Variants in ANKRD29 observed in about 807,000 individuals in gnomAD.
The protein encoded by ANKRD29 is ankyrin repeat domain-containing protein 29.
ANKRD29 carries 32 observed loss-of-function variants against 38.0 expected under a neutral mutation model. The observed-to-expected ratio is 0.84, with a 90% CI of 0.64 to 1.13. The LOEUF (loss-of-function observed/expected upper bound fraction) is 1.13, where lower values mean the gene tolerates loss of function less well. ANKRD29 is among the 50% of genes most tolerant of loss of function. The pLI, the probability that ANKRD29 is intolerant of heterozygous loss-of-function variation, is 0.00. For missense variants in ANKRD29, 357 were observed against 377.9 expected, an observed-to-expected ratio of 0.94 and a Z score of 0.46; for synonymous variants, 135 against 152.4, an observed-to-expected ratio of 0.89 and a Z score of 0.84.
chr18:23,643,085 C>A (rs1284443590), intron 3 of ANKRD29, among the ~76,000 whole-genome samples: 2 of 152,172 alleles, frequency 1.3e-5, no homozygotes, highest in South Asian at 2.1e-4. Flanking sequence ...CTTTTGACTT[C>A]TATCCTGGGA....
intron 1 of ANKRD29, chr18:23,649,447 A>C: frequency 4.4e-6 from 3 of 677,148 alleles, no homozygotes; most frequent in Non-Finnish European, 8.1e-6. Context: ...TTTCCCACTA[A>C]TGTTCTCACT....
chr18:23,654,712 G>A (rs2060256940), intron 1 of ANKRD29, among the ~76,000 whole-genome samples: 1 of 151,056 alleles, frequency 6.6e-6, no homozygotes, highest in Non-Finnish European at 1.5e-5. Flanking sequence ...TTGAGTGCAA[G>A]CTTCCACATT....
Position 23,646,235 on chromosome 18 carries a change from A to C in ANKRD29, c.185T>G (p.Val62Gly). ...VAAYAGHIDC[V>G]RELVLQGADI... is the part of the protein sequence containing the mutation. ...TGCTCCTTGCAGAACCAGTTCCCTC[A>C]CACAGTCTATGTGGCCAGCGTAGGC... The change falls in exon 3 of 10, where the codon GTG becomes GGG. Residue 62 changes from valine (V) to glycine (G), a missense_variant. By Grantham distance (109) the Val-to-Gly change is moderately radical. Coordinates refer to ENST00000592179, the MANE Select transcript of ANKRD29 (RefSeq NM_173505.4). 2 of 1,614,096 alleles carry C rather than the reference A, an allele frequency of 1.2e-6. No individual in the cohort carries two copies. The highest frequency in any genetic ancestry group is 1.7e-6 in the Non-Finnish European group (2 of 1,179,986).
At chr18:23,634,187 G>T (rs374961871) in intron 4 of ANKRD29, 38 bp from the exon 5 acceptor site, 2 of 1,543,260 alleles carry the variant, frequency 1.3e-6, no homozygotes, top group Non-Finnish European at 8.9e-7. Flanking sequence ...TAGAGGTGGC[G>T]CAGGCACATA....
At chr18:23,643,940 G>C (rs1222674333) in intron 3 of ANKRD29, among the ~76,000 whole-genome samples, 1 of 152,230 alleles carries the variant, frequency 6.6e-6, no homozygotes. Flanking sequence ...GGCACTCTTA[G>C]CTTCCAAAAC....
intron 5 of ANKRD29, among the ~76,000 whole-genome samples, chr18:23,632,796 C>T (rs1041154184): frequency 2.0e-5 from 3 of 152,010 alleles, no homozygotes; most frequent in Non-Finnish European, 4.4e-5. Flanking sequence ...TTCAATCATT[C>T]TACTGGTAAT....
At chr18:23,634,868 A>T (rs1362559873) in intron 4 of ANKRD29, among the ~76,000 whole-genome samples, 1 of 152,192 alleles carries the variant, frequency 6.6e-6, no homozygotes, top group Non-Finnish European at 1.5e-5. Flanking sequence ...TCCTGGGGAA[A>T]CGCCGTCTTC....
intron 1 of ANKRD29, among the ~76,000 whole-genome samples, chr18:23,651,509 C>T (rs1341267568): frequency 1.3e-5 from 2 of 152,176 alleles, no homozygotes; most frequent in Non-Finnish European, 2.9e-5. Context: ...AAAATGAAGT[C>T]TGGTAGGGTG....
At chr18:23,654,512 C>T (rs1167784485) in intron 1 of ANKRD29, among the ~76,000 whole-genome samples, 1 of 144,846 alleles carries the variant, frequency 6.9e-6, no homozygotes, top group East Asian at 2.1e-4. Context: ...CCCAGCTACT[C>T]GGGAGGCTGC....
chr18:23,627,215 G>A (rs988447649), intron 6 of ANKRD29, among the ~76,000 whole-genome samples: 1 of 152,106 alleles, frequency 6.6e-6, no homozygotes, highest in African/African-American at 2.4e-5. Flanking sequence ...ATGATTTGAG[G>A]GCACAATGGG....
At chr18:23,608,916 G>A (rs765143221) in intron 9 of ANKRD29, among the ~76,000 whole-genome samples, 10 of 152,246 alleles carry the variant, frequency 6.6e-5, no homozygotes, top group Non-Finnish European at 1.3e-4. Context: ...CAAAGTGAAA[G>A]TTGGTGAAAC....
chr18:23,662,436 C>T (rs887440664), intron 1 of ANKRD29, among the ~76,000 whole-genome samples: 1 of 152,218 alleles, frequency 6.6e-6, no homozygotes, highest in Admixed American at 6.5e-5. Context: ...ACAGTCCCCG[C>T]CGCCCCGTCG....
chr18:23,650,448 G>A (rs1446367092), intron 1 of ANKRD29, among the ~76,000 whole-genome samples: 3 of 152,168 alleles, frequency 2.0e-5, no homozygotes, highest in African/African-American at 2.4e-5. Context: ...TGGGCCTACT[G>A]GGTTATTTTA....
intron 9 of ANKRD29, among the ~76,000 whole-genome samples, chr18:23,607,381 C>T (rs2059587101): frequency 6.6e-6 from 1 of 152,148 alleles, no homozygotes; most frequent in South Asian, 2.1e-4. Flanking sequence ...TCAGAGCAAA[C>T]ACTCAGGAAT....
intron 6 of ANKRD29, among the ~76,000 whole-genome samples, chr18:23,624,391 C>G (rs1030699209): frequency 7.2e-6 from 1 of 138,512 alleles, no homozygotes; most frequent in African/African-American, 2.7e-5. Context: ...CACTTGAGCC[C>G]GGGAGGCAGA....
At chr18:23,631,724 G>A (rs2059934793) in intron 5 of ANKRD29, among the ~76,000 whole-genome samples, 1 of 152,186 alleles carries the variant, frequency 6.6e-6, no homozygotes, top group Non-Finnish European at 1.5e-5. Flanking sequence ...CCCAGAGCAA[G>A]TGCCCCTTTT....
chr18:23,647,918 T>C (rs2060160719), intron 2 of ANKRD29: 1 of 152,254 alleles, frequency 6.6e-6, no homozygotes, highest in Non-Finnish European at 1.5e-5. Flanking sequence ...AAAGAGACTA[T>C]TAAGCTGAGG....
intron 6 of ANKRD29, among the ~76,000 whole-genome samples, chr18:23,629,195 G>A (rs1372028145): frequency 6.6e-6 from 1 of 152,212 alleles, no homozygotes; most frequent in East Asian, 1.9e-4. Flanking sequence ...ATGTTGGCCA[G>A]GCTGGCCTCA....
rs776658923 is a variant in ANKRD29, at chr18:23,646,319, G to T, written c.133-32C>A. 6 of 1,587,334 alleles carry T rather than the reference G, an allele frequency of 3.8e-6. No homozygotes were observed. The East Asian group carries it at 1.1e-4, about 30-fold the overall frequency. ...GGAGGAGAGACAGATGAAGAGTTAG[G>T]CCACTGCTATGTCAGAGAGAAGGGT... On this transcript the variant is annotated intron_variant, in intron 2 of 9. Transcript: ENST00000592179.
Sources: allele counts gnomAD v4.1 joint callset (sites outside exome capture counted in the v4.1 genomes callset), GRCh38; gene constraint gnomAD v4.1.1; transcripts MANE v1.5; gene names NCBI Gene and HGNC (gene_info 2026-07-23, HGNC 2026-07-21).